CEP290: variants seen among roughly 807,000 people sequenced by gnomAD.
The protein encoded by CEP290 is centrosomal protein 290, also known as centrosomal protein of 290 kDa.
CEP290 carries 317 observed loss-of-function variants against 344.9 expected under a neutral mutation model. The observed-to-expected ratio is 0.92, with a 90% CI of 0.84 to 1.01. The LOEUF is 1.01. Among genes scored for constraint, CEP290 ranks in the 50% least tolerant of loss-of-function variants. CEP290 has a pLI of 0.00. For missense variants in CEP290, 2,754 were observed against 2,761.4 expected (o/e 1.00, Z 0.06); for synonymous variants, 932 against 895.8 (o/e 1.04, Z -0.72).
At chr12:88,052,766 T>C (rs934847588) in intron 52 of CEP290, among the ~76,000 whole-genome samples, 2 of 152,118 alleles carry the variant, frequency 1.3e-5, no homozygotes, top group Non-Finnish European at 2.9e-5. Flanking sequence ...GAAAACAAGA[T>C]TCAGAAGTGT....
At chr12:88,068,778 T>G in intron 43 of CEP290, 133 bp from the exon 44 acceptor site, 4 of 832,134 alleles carry the variant, frequency 4.8e-6, no homozygotes, top group Non-Finnish European at 7.1e-6. Context: ...CTTCAAACCT[T>G]CTAAACTTTA....
intron 43 of CEP290, among the ~76,000 whole-genome samples, chr12:88,070,710 A>G (rs2035306982): frequency 6.6e-6 from 1 of 152,116 alleles, no homozygotes; most frequent in African/African-American, 2.4e-5. Context: ...AGTACATGGC[A>G]TCACTGGGTA....
chr12:88,127,176 A>C (rs956994386), intron 11 of CEP290, among the ~76,000 whole-genome samples: 1 of 152,258 alleles, frequency 6.6e-6, no homozygotes, highest in Non-Finnish European at 1.5e-5. Flanking sequence ...CATCAAAATG[A>C]ATTATATGTT....
At position 88,130,402 on chromosome 12, in the gene CEP290, C is replaced by T; in HGVS notation, c.535G>A (p.Asp179Asn). 1.2e-6 allele frequency: 2 copies of T among 1,606,226 alleles called. No homozygotes were observed. Among genetic ancestry groups the T allele is most frequent in the South Asian group, 1.1e-5 (1 of 88,942 alleles). Residue 179 changes from aspartate to asparagine, a missense_variant, in exon 9 of 54, where the codon GAT becomes AAT. Transcript: ENST00000552810. ...ATTTGTTTCTGGTAGTCAATAATAT[C>T]CTGACAAAGTTGTTCATTCTGAAGG... ...LKKKNEQLCQ[D>N]IIDYQKQIDS...
intron 2 of CEP290, 47 bp downstream of exon 2, chr12:88,141,159 A>C (rs2040632177): frequency 2.3e-6 from 3 of 1,314,956 alleles, no homozygotes; most frequent in Admixed American, 2.8e-5. Flanking sequence ...TTAATAAATT[A>C]ATCATAAGTT....
chr12:88,123,030 A>T (rs1042193315), intron 13 of CEP290, among the ~76,000 whole-genome samples: 27 of 152,100 alleles, frequency 1.8e-4, no homozygotes, highest in Non-Finnish European at 7.4e-5. Context: ...GATGTCTACC[A>T]AGCCACCTAC....
rs1457663420 is a variant in CEP290, at chr12:88,102,890, A to C, written c.2939T>G (p.Leu980Trp). ...NELTAKYRDI[L>W]QKDNMLVQRT... ...TTGAACAAGCATATTATCTTTTTGC[A>C]AGATGTCCCTGTACTTAGCAGTCAG... Residue 980 changes from leucine (L) to tryptophan (W), a missense_variant, in exon 26 of 54, where the codon TTG becomes TGG. Coordinates refer to ENST00000552810, the MANE Select transcript of CEP290 (RefSeq NM_025114.4). 1 of 1,611,438 alleles carries C rather than the reference A, an allele frequency of 6.2e-7. No individual in the cohort carries two copies.
chr12:88,139,185 T>A lies in CEP290; in HGVS notation c.257A>T (p.Gln86Leu). ...CAGTTTCATTACTTTAGTTTTTAAT[T>A]GATTTTCTATTTTTTTAAAAAAAAA... ...AGEEQAKFEN[Q>L]LKTKVMKLEN... The change falls in exon 5 of 54, where the codon CAA becomes CTA. Residue 86 changes from glutamine (Q) to leucine (L), a missense_variant. Coordinates refer to ENST00000552810, the MANE Select transcript of CEP290 (RefSeq NM_025114.4). 1 of 1,156,408 alleles carries A rather than the reference T, an allele frequency of 8.6e-7. No homozygotes were observed. Among genetic ancestry groups the A allele is most frequent in the Non-Finnish European group, 1.2e-6 (1 of 839,738 alleles). 71.6% of individuals were successfully genotyped at this position (1,156,408 alleles called of 1,614,324 possible).
chr12:88,098,599 G>C (rs2037635725), intron 26 of CEP290, among the ~76,000 whole-genome samples: 1 of 151,274 alleles, frequency 6.6e-6, no homozygotes, highest in Non-Finnish European at 1.5e-5. Flanking sequence ...GCAACAGTGA[G>C]ACCCTGACTC....
At chr12:88,125,861 A>G (rs1196755465) in intron 12 of CEP290, among the ~76,000 whole-genome samples, 4 of 152,076 alleles carry the variant, frequency 2.6e-5, no homozygotes, top group Non-Finnish European at 5.9e-5. Flanking sequence ...TAAAAGTATT[A>G]CTTCCTTTTA....
chr12:88,141,304 G>T lies in CEP290; in HGVS notation c.4C>A (p.Pro2Thr). The change falls in exon 2 of 54, where the codon CCA becomes ACA. Residue 2 changes from proline to threonine, a missense_variant. Coordinates refer to ENST00000552810, the MANE Select transcript of CEP290 (RefSeq NM_025114.4). M[P>T]PNINWKEIMK... ...ATTTCTTTCCAGTTTATATTAGGTG[G>T]CATCTTGAATTCTTTCACTGTGCTC... 1.2e-6 allele frequency: 2 copies of T among 1,608,078 alleles called. No homozygotes were observed. Among genetic ancestry groups the T allele is most frequent in the Non-Finnish European group, 1.7e-6 (2 of 1,176,618 alleles).
chr12:88,061,024 A>G, intron 46 of CEP290, 30 bp from the exon 47 acceptor site: 1 of 1,483,062 alleles, frequency 6.7e-7, no homozygotes, highest in Non-Finnish European at 9.1e-7. Context: ...ATCTTTAATC[A>G]AATATTTTAG....
intron 23 of CEP290, 64 bp downstream of exon 23, chr12:88,109,002 C>A (rs1005957014): frequency 1.6e-5 from 9 of 562,344 alleles, no homozygotes; most frequent in African/African-American, 1.4e-4. Context: ...ATTATTCTTA[C>A]GTTACTTTCA....
intron 28 of CEP290, 119 bp downstream of exon 28, chr12:88,093,651 T>C (rs1357176801): frequency 4.5e-6 from 3 of 673,534 alleles, no homozygotes; most frequent in African/African-American, 1.8e-5. Flanking sequence ...ACACAAAACA[T>C]AGGCACTATA....
intron 12 of CEP290, among the ~76,000 whole-genome samples, chr12:88,125,954 G>A (rs548097352): frequency 3.3e-5 from 5 of 151,894 alleles, no homozygotes; most frequent in African/African-American, 1.2e-4. Context: ...ATTGTATAGG[G>A]TATGTTAGGA....
chr12:88,091,037 T>C (rs1484021872), intron 29 of CEP290, among the ~76,000 whole-genome samples, 198 bp from the exon 30 acceptor site: 3 of 152,046 alleles, frequency 2.0e-5, no homozygotes, highest in Non-Finnish European at 4.4e-5. Flanking sequence ...GTTTGCTATA[T>C]AAAAAAAACT....
Position 88,053,698 on chromosome 12 carries a change from C to A in CEP290, c.7083G>T (p.Gln2361His), listed in dbSNP as rs201801456. Reference protein sequence around the residue: ...LDKEKAELIHQIEANKDQSGA... With the variant: ...LDKEKAELIHHIEANKDQSGA... ...CACTTTGGTCCTTGTTAGCTTCTATCTGATGGATTAATTCTGCTTTCTCTT... is the reference window on the plus strand; with the variant it reads ...CACTTTGGTCCTTGTTAGCTTCTATATGATGGATTAATTCTGCTTTCTCTT... Residue 2361 changes from glutamine to histidine, a missense_variant, in exon 52 of 54, where the codon CAG becomes CAT. Coordinates refer to ENST00000552810, the MANE Select transcript of CEP290 (RefSeq NM_025114.4). 67 of 1,554,628 alleles carry A rather than the reference C, an allele frequency of 4.3e-5. No individual in the cohort carries two copies. Among genetic ancestry groups the A allele is most frequent in the Non-Finnish European group, 5.7e-5 (65 of 1,147,480 alleles).
At chr12:88,086,284 T>C in intron 33 of CEP290, 107 bp downstream of exon 33, 1 of 1,435,150 alleles carries the variant, frequency 7.0e-7, no homozygotes, top group Non-Finnish European at 9.4e-7. Context: ...ATATTTTAAA[T>C]ATACAATATA....
At chr12:88,132,786 C>G (rs906832223) in intron 6 of CEP290, among the ~76,000 whole-genome samples, 2 of 152,122 alleles carry the variant, frequency 1.3e-5, no homozygotes, top group African/African-American at 4.8e-5. Context: ...AGGTTTGTTA[C>G]TTAGGTAAAT....
Sources: gnomAD v4.1 joint callset for allele counts (sites outside exome capture counted in the v4.1 genomes callset) on GRCh38, gnomAD v4.1.1 for gene constraint, MANE v1.5 for transcripts, NCBI Gene and HGNC (gene_info 2026-07-23, HGNC 2026-07-21) for gene names.